The following NUBP1 variants were observed in gnomAD, a reference collection of about 807,000 sequenced individuals.
NUBP1 encodes NUBP iron-sulfur cluster assembly factor 1, cytosolic, also known as cytosolic Fe-S cluster assembly factor NUBP1.
In NUBP1, 46 loss-of-function variants were observed where a neutral mutation model predicts 41.8. That is an observed-to-expected ratio of 1.10 (90% CI 0.87 to 1.41). The LOEUF (loss-of-function observed/expected upper bound fraction) is 1.41, where lower values mean the gene tolerates loss of function less well. NUBP1 is among the 40% of genes most tolerant of loss of function. The pLI is 0.00. For missense variants in NUBP1, 494 were observed against 414.0 expected (o/e 1.19, Z -1.68); for synonymous variants, 189 against 154.6 (o/e 1.22, Z -1.65).
Position 10,763,866 on chromosome 16 carries a change from G to A in NUBP1, c.820+2007G>A, listed in dbSNP as rs370477176. On this transcript the variant is annotated intron_variant, in intron 9 of 10. Coordinates refer to ENST00000283027, the MANE Select transcript of NUBP1 (RefSeq NM_002484.4). The stretch of plus-strand genomic sequence containing the variant: ...CATCACGGCCCATAGGAGTATCTCA[G>A]CCCCTGGAAGCATCTCAGCCCAAGG... The A allele has an allele frequency of 1.4e-3, 238 of 166,438 alleles. 7 individuals are homozygous for A. In the South Asian group the frequency reaches 0.028, roughly 20 times the overall value. 10.3% of individuals were successfully genotyped at this position (166,438 alleles called of 1,614,324 possible).
At chr16:10,760,878 T>A (rs1900905168) in intron 7 of NUBP1, 1 of 158,276 alleles carries the variant, frequency 6.3e-6, no homozygotes, top group South Asian at 1.8e-4. Context: ...TTAGTTCATT[T>A]TCACACTGCT....
chr16:10,767,387 G>A lies in NUBP1; in HGVS notation c.821-562G>A, dbSNP rs1333880100. The A allele has an allele frequency of 2.5e-6, 1 of 400,736 alleles. No homozygotes were observed. Among genetic ancestry groups the A allele is most frequent in the African/African-American group, 2.1e-5 (1 of 48,654 alleles). 24.8% of individuals were successfully genotyped at this position (400,736 alleles called of 1,614,324 possible). A position where few individuals can be genotyped will look rare whatever the true frequency, so the allele number is the denominator to read the frequency against. On this transcript the variant is annotated intron_variant, in intron 9 of 10. Coordinates refer to ENST00000283027, the MANE Select transcript of NUBP1 (RefSeq NM_002484.4). This position sits in a 1 kb window ranked among gnomAD's most constrained non-coding sequence, Gnocchi z 4.6. ...GATAGACACCAGCACAGATGACCTGGAAGATAAAATTATACACAGACAAAG... is the reference window on the plus strand; with the variant it reads ...GATAGACACCAGCACAGATGACCTGAAAGATAAAATTATACACAGACAAAG...
chr16:10,750,592 T>C (rs1900273702), intron 3 of NUBP1, among the ~76,000 whole-genome samples: 1 of 152,208 alleles, frequency 6.6e-6, no homozygotes, highest in South Asian at 2.1e-4. Flanking sequence ...CAAACTGTCA[T>C]AACAAGGTCA....
At position 10,757,723 on chromosome 16, in the gene NUBP1, G is replaced by C; in HGVS notation, c.452-150G>C. ...CGCACTTATAGTCCTAGTTACTTGGGAGGCTGAGGTGGGAGGATTGCTTGA... is the reference window on the plus strand; with the variant it reads ...CGCACTTATAGTCCTAGTTACTTGGCAGGCTGAGGTGGGAGGATTGCTTGA... On this transcript the variant is annotated intron_variant, in intron 6 of 10. Transcript: ENST00000283027. This position sits in a 1 kb window ranked among gnomAD's most constrained non-coding sequence, Gnocchi z 4.1. 2 of 857,824 alleles carry C rather than the reference G, an allele frequency of 2.3e-6. No homozygotes were observed. The highest frequency in any genetic ancestry group is 1.8e-6 in the Non-Finnish European group (1 of 553,182). The allele number at this position is 857,824 out of a possible 1,614,324, so 53.1% of individuals were successfully genotyped here.
At position 10,744,021 on chromosome 16, in the gene NUBP1, A is replaced by C. The variant is rs776937673; in HGVS notation, c.80A>C (p.Asn27Thr). Residue 27 changes from asparagine (N) to threonine (T), a missense_variant, in exon 2 of 11, where the codon AAC (asparagine) becomes ACC (threonine). Coordinates refer to ENST00000283027, the MANE Select transcript of NUBP1 (RefSeq NM_002484.4). The part of the protein sequence containing the change: ...GRGASCQGCP[N>T]QRLCASGAGA... ...GGGGCTTCATGTCAGGGATGCCCCA[A>C]CCAGCGGCTGTGCGCTTCTGGAGCG... 2 of 1,580,270 alleles carry C rather than the reference A, an allele frequency of 1.3e-6. No individual in the cohort carries two copies. Among genetic ancestry groups the C allele is most frequent in the Non-Finnish European group, 1.7e-6 (2 of 1,168,926 alleles).
At chr16:10,764,106 A>G (rs899263663) in intron 9 of NUBP1, among the ~76,000 whole-genome samples, 6 of 148,544 alleles carry the variant, frequency 4.0e-5, no homozygotes, top group Non-Finnish European at 7.4e-5. Context: ...CTCAGCCCAC[A>G]GGAGTATCTC....
At position 10,767,271 on chromosome 16, in the gene NUBP1, G is replaced by C. The variant is rs1189232094; in HGVS notation, c.821-678G>C. On this transcript the variant is annotated intron_variant, in intron 9 of 10. Transcript: ENST00000283027. This position sits in a 1 kb window ranked among gnomAD's most constrained non-coding sequence, Gnocchi z 4.6. ...CTAGCCCCTTGTGTCCTGTCCACCT[G>C]GCTCTGGGATAACATGGTCCTAGAG... is the stretch of plus-strand genomic sequence containing the variant. 5.0e-6 allele frequency: 2 copies of C among 398,996 alleles called. No individual in the cohort carries two copies. The highest frequency in any genetic ancestry group is 4.4e-5 in the Admixed American group (1 of 22,720). 24.7% of individuals were successfully genotyped at this position (398,996 alleles called of 1,614,324 possible).
chr16:10,762,489 G>A (rs915457178), intron 9 of NUBP1, among the ~76,000 whole-genome samples: 4 of 152,250 alleles, frequency 2.6e-5, no homozygotes, highest in Admixed American at 1.3e-4. Context: ...GCCGCGGGGC[G>A]CTGGGCAGGG....
At chr16:10,761,514 T>A (rs770018086) in intron 8 of NUBP1, 40 bp downstream of exon 8, 1 of 1,527,760 alleles carries the variant, frequency 6.5e-7, no homozygotes, top group Admixed American at 1.7e-5. Context: ...AAGATCTTGC[T>A]CTCATGGATG....
At chr16:10,744,246 G>C (rs1356320111) in intron 2 of NUBP1, among the ~76,000 whole-genome samples, 181 bp downstream of exon 2, 1 of 152,220 alleles carries the variant, frequency 6.6e-6, no homozygotes, top group Non-Finnish European at 1.5e-5. Flanking sequence ...GGTGAGGGCG[G>C]AGCTTGGAAT....
Position 10,769,277 on chromosome 16 carries a change from A to G in NUBP1, c.*172A>G, listed in dbSNP as rs2031353452. On this transcript the variant is annotated 3_prime_UTR_variant, in exon 11 of 11. Coordinates refer to ENST00000283027, the MANE Select transcript of NUBP1 (RefSeq NM_002484.4). ...CACTTTAATCATTGAGTATTTGTAC[A>G]CTTTTCTTTAGAACATATATAAAGG... 1.2e-5 allele frequency: 7 copies of G among 588,466 alleles called. No individual in the cohort carries two copies. Among genetic ancestry groups the G allele is most frequent in the Non-Finnish European group, 2.1e-5 (7 of 330,550 alleles). 36.5% of individuals were successfully genotyped at this position (588,466 alleles called of 1,614,324 possible).
intron 9 of NUBP1, among the ~76,000 whole-genome samples, chr16:10,762,463 C>T (rs139764845): frequency 5.3e-5 from 8 of 152,348 alleles, no homozygotes; most frequent in South Asian, 2.1e-4. Context: ...CCCACACGCC[C>T]GCCGGGCGCC....
chr16:10,768,123 G>A lies in NUBP1; in HGVS notation c.904+91G>A. On this transcript the variant is annotated intron_variant, in intron 10 of 10. Transcript: ENST00000283027. The surrounding 1 kb of genome is among the most constrained non-coding windows in gnomAD (Gnocchi z 4.3). ...GGGTGTGGAAGGACAGGTGGGTGGT[G>A]GGGTCTGTGATGACCACAGAGTGGC... 5 of 1,270,662 alleles carry A rather than the reference G, an allele frequency of 3.9e-6. No homozygotes were observed. Among genetic ancestry groups the A allele is most frequent in the Non-Finnish European group, 5.7e-6 (5 of 880,686 alleles). 78.7% of individuals were successfully genotyped at this position (1,270,662 alleles called of 1,614,324 possible).
rs1173124375 is a variant in NUBP1 at position 10,767,539 on chromosome 16, C to G, written c.821-410C>G. 2.2e-6 allele frequency: 1 copy of G among 445,328 alleles called. No individual in the cohort carries two copies. Among genetic ancestry groups the G allele is most frequent in the Non-Finnish European group, 3.9e-6 (1 of 254,912 alleles). 27.6% of individuals were successfully genotyped at this position (445,328 alleles called of 1,614,324 possible). A position where few individuals can be genotyped will look rare whatever the true frequency, so the allele number is the denominator to read the frequency against. ...GCGCATAATCTTTCTGGAAAGACAC[C>G]TAGAACACTAGTAGCCCTTTTCGGA... On this transcript the variant is annotated intron_variant, in intron 9 of 10. Transcript: ENST00000283027. The surrounding 1 kb of genome is among the most constrained non-coding windows in gnomAD (Gnocchi z 4.6).
At position 10,769,153 on chromosome 16, in the gene NUBP1, T is replaced by G; in HGVS notation, c.*48T>G. 6.3e-7 allele frequency: 1 copy of G among 1,576,194 alleles called. No homozygotes were observed. Among genetic ancestry groups the G allele is most frequent in the Non-Finnish European group, 8.7e-7 (1 of 1,146,088 alleles). ...AGCAGTTACCGAGCGAGGCACTCAC[T>G]GGGCAGCACATCCAGCCAGACCCGA... is the stretch of plus-strand genomic sequence containing the variant. On this transcript the variant is annotated 3_prime_UTR_variant, in exon 11 of 11. Transcript: ENST00000283027.
chr16:10,755,685 T>A, intron 4 of NUBP1, 36 bp from the exon 5 acceptor site: 1 of 1,609,970 alleles, frequency 6.2e-7, no homozygotes, highest in Non-Finnish European at 8.5e-7. Flanking sequence ...GGTACATGAT[T>A]TCTACTAATG....
Position 10,757,582 on chromosome 16 carries a change from C to G in NUBP1, c.452-291C>G, listed in dbSNP as rs1440380603. On this transcript the variant is annotated intron_variant, in intron 6 of 10. Coordinates refer to ENST00000283027, the MANE Select transcript of NUBP1 (RefSeq NM_002484.4). This position sits in a 1 kb window ranked among gnomAD's most constrained non-coding sequence, Gnocchi z 4.1. ...CACCCCCTACTCTATTTGTGACAACCCAAAATGTCTCCAGACATTGCAATT... is the reference window on the plus strand; with the variant it reads ...CACCCCCTACTCTATTTGTGACAACGCAAAATGTCTCCAGACATTGCAATT... Among the ~76,000 whole-genome samples, 1 of 152,118 alleles carries G rather than the reference C, an allele frequency of 6.6e-6. No individual in the cohort carries two copies. Among genetic ancestry groups the G allele is most frequent in the Non-Finnish European group, 1.5e-5 (1 of 68,016 alleles).
intron 3 of NUBP1, among the ~76,000 whole-genome samples, chr16:10,747,954 T>TG (rs1900137965): frequency 6.6e-6 from 1 of 152,190 alleles, no homozygotes; most frequent in Non-Finnish European, 1.5e-5. Flanking sequence ...TTGAAATGTT[T>TG]TTTGTTTGTT....
At chr16:10,755,813 G>C (rs371002992) in intron 5 of NUBP1, 60 bp downstream of exon 5, 2 of 1,518,700 alleles carry the variant, frequency 1.3e-6, no homozygotes, top group Non-Finnish European at 1.8e-6. Flanking sequence ...GTACATAATG[G>C]GTTTGTGGTT....
Sources: gnomAD v4.1 joint callset for allele counts (sites outside exome capture counted in the v4.1 genomes callset) on GRCh38, gnomAD v4.1.1 for gene constraint, Gnocchi (gnomAD v3.1) non-coding constraint, MANE v1.5 for transcripts, NCBI Gene and HGNC (gene_info 2026-07-23, HGNC 2026-07-21) for gene names.